NRXN1: variants seen among roughly 807,000 people sequenced by gnomAD.
The protein encoded by NRXN1 is neurexin 1.
A neutral mutation model predicts 150.9 loss-of-function variants in NRXN1; 39 were observed. The ratio of observed to expected loss-of-function variants is 0.26; its 90% CI spans 0.20 to 0.34. NRXN1 has a LOEUF of 0.34. NRXN1 is among the 10% of genes least tolerant of loss of function. The probability of loss-of-function intolerance (pLI) is 1.00; values close to 1 mark genes in which losing one functional copy is unlikely to be tolerated. For missense variants in NRXN1, 1,815 were observed against 1,949.9 expected (o/e 0.93, Z 1.30); for synonymous variants, 924 against 757.0 (o/e 1.22, Z -3.62).
rs964329835 is a variant in NRXN1, at chr2:49,981,681, G to C, written c.4129-37890C>G. 2.0e-5 allele frequency among the ~76,000 whole-genome samples: 3 copies of C among 152,092 alleles called. 1 individual carries two copies. The highest frequency in any genetic ancestry group is 7.2e-5 in the African/African-American group (3 of 41,448). ...TATGTACATACAGAACCCACATGGAGTGAATGTTGCCTATTAACAAAACTG... is the reference window on the plus strand; with the variant it reads ...TATGTACATACAGAACCCACATGGACTGAATGTTGCCTATTAACAAAACTG... On this transcript the variant is annotated intron_variant, in intron 21 of 22. Coordinates refer to ENST00000401669, the MANE Select transcript of NRXN1 (RefSeq NM_001330078.2).
intron 5 of NRXN1, among the ~76,000 whole-genome samples, chr2:50,775,329 T>C (rs1338084054): frequency 2.0e-5 from 3 of 152,156 alleles, no homozygotes; most frequent in Non-Finnish European, 4.4e-5. Context: ...TGTATTTTCC[T>C]TGCTTCTGTG....
chr2:50,549,709 T>C (rs1346960701), intron 9 of NRXN1, among the ~76,000 whole-genome samples: 2 of 152,188 alleles, frequency 1.3e-5, no homozygotes, highest in Admixed American at 6.5e-5. Flanking sequence ...TCTTGGTAAT[T>C]TGGATGAATT....
intron 8 of NRXN1, among the ~76,000 whole-genome samples, chr2:50,597,146 G>A (rs1436021542): frequency 6.6e-6 from 1 of 152,026 alleles, no homozygotes; most frequent in African/African-American, 2.4e-5. Flanking sequence ...TGCCCGGTGG[G>A]ACATGCTTCT....
At chr2:49,960,237 A>T (rs973721196) in intron 21 of NRXN1, among the ~76,000 whole-genome samples, 9 of 152,222 alleles carry the variant, frequency 5.9e-5, no homozygotes, top group African/African-American at 2.2e-4. Flanking sequence ...ATCACTAGGC[A>T]CACAATGTTT....
chr2:50,626,437 G>C (rs1681074579), intron 5 of NRXN1, among the ~76,000 whole-genome samples: 1 of 151,782 alleles, frequency 6.6e-6, no homozygotes, highest in Non-Finnish European at 1.5e-5. Flanking sequence ...GGTAAAATGA[G>C]GAGAATAACG....
At chr2:50,298,695 T>C (rs1574984199) in intron 17 of NRXN1, among the ~76,000 whole-genome samples, 1 of 152,312 alleles carries the variant, frequency 6.6e-6, no homozygotes, top group African/African-American at 2.4e-5. Context: ...TTTTGAAATT[T>C]CTGCTAAGTA....
chr2:50,814,161 G>C lies in NRXN1; in HGVS notation c.832+107708C>G, dbSNP rs116153576. Among the ~76,000 whole-genome samples the C allele has an allele frequency of 6.4e-4, 98 of 152,104 alleles. 2 individuals carry two copies. The highest frequency in any genetic ancestry group is 2.2e-3 in the African/African-American group (91 of 41,496). Reference sequence around the variant, plus strand: ...ACTAGACTTTCTACCCTCTCTGTTTGTTTTTGTTTTTGTTTGGTAGAGGTA... The same window carrying C: ...ACTAGACTTTCTACCCTCTCTGTTTCTTTTTGTTTTTGTTTGGTAGAGGTA... On this transcript the variant is annotated intron_variant, in intron 5 of 22. Transcript: ENST00000401669.
At chr2:50,521,570 C>T (rs1312130412) in intron 12 of NRXN1, among the ~76,000 whole-genome samples, 3 of 152,176 alleles carry the variant, frequency 2.0e-5, no homozygotes, top group Non-Finnish European at 4.4e-5. Flanking sequence ...TCTGAGCACA[C>T]AAAACATTTC....
rs188983809 is a variant in NRXN1, at chr2:50,377,573, G to C, written c.3364+87869C>G. On this transcript the variant is annotated intron_variant, in intron 17 of 22. Coordinates refer to ENST00000401669, the MANE Select transcript of NRXN1 (RefSeq NM_001330078.2). ...ATTCTTAAAATTAAAGTTGGGACTA[G>C]TTGATCTCCAAAGTGCCCACATACT... 1.2e-3 allele frequency among the ~76,000 whole-genome samples: 184 copies of C among 152,168 alleles called. 1 individual carries two copies. The highest frequency in any genetic ancestry group is 4.1e-3 in the African/African-American group (169 of 41,514).
At chr2:50,522,006 A>G (rs2092802625) in intron 12 of NRXN1, among the ~76,000 whole-genome samples, 1 of 152,172 alleles carries the variant, frequency 6.6e-6, no homozygotes, top group African/African-American at 2.4e-5. Flanking sequence ...GAGAGTATAC[A>G]GCCAGTGAAA....
At chr2:50,539,354 C>G (rs374028726) in intron 9 of NRXN1, among the ~76,000 whole-genome samples, 1 of 152,206 alleles carries the variant, frequency 6.6e-6, no homozygotes, top group Admixed American at 6.5e-5. Flanking sequence ...GTAAACCAAG[C>G]TAGTTATTTA....
At chr2:50,325,672 A>G (rs908960232) in intron 17 of NRXN1, among the ~76,000 whole-genome samples, 1 of 152,198 alleles carries the variant, frequency 6.6e-6, no homozygotes, top group Non-Finnish European at 1.5e-5. Flanking sequence ...TATTAACAGT[A>G]TTATTCAAAT....
At chr2:50,718,013 T>C (rs1696091591) in intron 5 of NRXN1, among the ~76,000 whole-genome samples, 2 of 152,204 alleles carry the variant, frequency 1.3e-5, no homozygotes, top group South Asian at 2.1e-4. Flanking sequence ...ACAGTTTATA[T>C]GCCCACTGTT....
At chr2:50,943,953 T>C (rs1310622896) in intron 2 of NRXN1, among the ~76,000 whole-genome samples, 2 of 152,148 alleles carry the variant, frequency 1.3e-5, no homozygotes, top group Non-Finnish European at 2.9e-5. Flanking sequence ...ATACGATTTC[T>C]GACAAATGAT....
chr2:50,376,221 T>C (rs1317485421), intron 17 of NRXN1, among the ~76,000 whole-genome samples: 2 of 152,028 alleles, frequency 1.3e-5, no homozygotes, highest in African/African-American at 4.8e-5. Flanking sequence ...TTAGACACAG[T>C]ACAAGTATTT....
intron 8 of NRXN1, chr2:50,616,381 T>C (rs1425357069): frequency 6.6e-6 from 1 of 152,194 alleles, no homozygotes; most frequent in East Asian, 1.9e-4. Flanking sequence ...GCAAGCAAAG[T>C]CTCATTTCAA....
chr2:50,219,191 C>T (rs1458025383), intron 18 of NRXN1, among the ~76,000 whole-genome samples: 2 of 151,988 alleles, frequency 1.3e-5, no homozygotes, highest in Non-Finnish European at 2.9e-5. Flanking sequence ...TCTAGCTTTC[C>T]TGCCATCTAA....
At chr2:50,504,975 A>G (rs140393624) in intron 13 of NRXN1, among the ~76,000 whole-genome samples, 1 of 152,124 alleles carries the variant, frequency 6.6e-6, no homozygotes, top group Non-Finnish European at 1.5e-5. Context: ...ACAATACCCA[A>G]AACCAAGTTC....
chr2:50,677,117 A>T lies in NRXN1; in HGVS notation c.833-53502T>A, dbSNP rs185102536. ...GCATGACAGCTTGTGCATATCCTTCAGTCTTTACTCTTTTGAAACATTATT... is the reference window on the plus strand; with the variant it reads ...GCATGACAGCTTGTGCATATCCTTCTGTCTTTACTCTTTTGAAACATTATT... On this transcript the variant is annotated intron_variant, in intron 5 of 22. Transcript: ENST00000401669. 7.9e-5 allele frequency among the ~76,000 whole-genome samples: 12 copies of T among 152,290 alleles called. No individual in the cohort carries two copies. In the East Asian group the frequency reaches 2.3e-3, roughly 29 times the overall value.
Sources: allele counts gnomAD v4.1 joint callset (sites outside exome capture counted in the v4.1 genomes callset), GRCh38; gene constraint gnomAD v4.1.1; transcripts MANE v1.5; gene names NCBI Gene and HGNC (gene_info 2026-07-23, HGNC 2026-07-21).